Variants in ART1 observed in about 807,000 individuals in gnomAD.
ART1 encodes the protein ADP-ribosyltransferase 1.
Under a neutral mutation model 27.0 loss-of-function variants are expected in ART1, and 29 were observed. The ratio of observed to expected loss-of-function variants is 1.08; its 90% CI spans 0.80 to 1.47. The LOEUF (loss-of-function observed/expected upper bound fraction) is 1.47. ART1 is among the 40% of genes most tolerant of loss of function. ART1 has a pLI of 0.00. For missense variants in ART1, 480 were observed against 423.0 expected (o/e 1.13, Z -1.18); for synonymous variants, 201 against 172.2 (o/e 1.17, Z -1.31).
At chr11:3,647,673 A>G (rs1365656347) in intron 1 of ART1, among the ~76,000 whole-genome samples, 2 of 152,032 alleles carry the variant, frequency 1.3e-5, no homozygotes, top group Non-Finnish European at 2.9e-5. Context: ...TAAAAATAAA[A>G]TGAAAACAAA....
intron 1 of ART1, among the ~76,000 whole-genome samples, chr11:3,653,693 T>C (rs973058729): frequency 6.6e-6 from 1 of 152,150 alleles, no homozygotes; most frequent in East Asian, 1.9e-4. Context: ...GTGTTTCTAG[T>C]TTAAAGAATG....
At chr11:3,661,489 T>TA in intron 4 of ART1, 76 bp downstream of exon 4, 59 of 769,770 alleles carry the variant, frequency 7.7e-5, no homozygotes, top group Non-Finnish European at 9.6e-5. Context: ...ATCACCTCGA[T>TA]CTTTTTTTTT....
chr11:3,652,776 C>A (rs956496705), intron 1 of ART1, among the ~76,000 whole-genome samples: 2 of 151,202 alleles, frequency 1.3e-5, no homozygotes, highest in Non-Finnish European at 2.9e-5. Flanking sequence ...TCCAAGCCAT[C>A]ACAGCTGATA....
intron 1 of ART1, among the ~76,000 whole-genome samples, chr11:3,650,449 C>G (rs1435002746): frequency 6.6e-6 from 1 of 152,222 alleles, no homozygotes; most frequent in Non-Finnish European, 1.5e-5. Context: ...CCTAGACCAT[C>G]AGGGACTCCG....
intron 1 of ART1, among the ~76,000 whole-genome samples, chr11:3,649,083 T>G (rs1006719852): frequency 6.6e-6 from 1 of 152,060 alleles, no homozygotes; most frequent in Non-Finnish European, 1.5e-5. Flanking sequence ...TTCCCGCTTT[T>G]CTGGAGGGTA....
intron 1 of ART1, among the ~76,000 whole-genome samples, chr11:3,652,946 A>C (rs1361267066): frequency 1.3e-5 from 2 of 148,448 alleles, no homozygotes; most frequent in African/African-American, 2.6e-5. Context: ...TCCTTCTCTT[A>C]TTCCATTTAG....
intron 1 of ART1, chr11:3,655,762 C>T (rs1404128673): frequency 6.6e-6 from 1 of 152,032 alleles, no homozygotes; most frequent in East Asian, 1.9e-4. Context: ...TGGTCAAAGC[C>T]TTAGGGCACC....
At chr11:3,653,500 A>G (rs993334568) in intron 1 of ART1, among the ~76,000 whole-genome samples, 2 of 150,576 alleles carry the variant, frequency 1.3e-5, no homozygotes, top group African/African-American at 5.0e-5. Context: ...ATCTACCCAA[A>G]TCCTATAAAA....
chr11:3,647,513 A>G (rs546764298), intron 1 of ART1, among the ~76,000 whole-genome samples: 4 of 150,866 alleles, frequency 2.7e-5, no homozygotes, highest in Middle Eastern at 3.4e-3. Flanking sequence ...GGGCACCTGT[A>G]GTACCAGCTA....
chr11:3,659,883 A>T lies in ART1; in HGVS notation c.364A>T (p.Thr122Ser), dbSNP rs761390636. 1 of 1,612,778 alleles carries T rather than the reference A, an allele frequency of 6.2e-7. No homozygotes were observed. Among genetic ancestry groups the T allele is most frequent in the Non-Finnish European group, 8.5e-7 (1 of 1,179,590 alleles). Residue 122 changes from threonine (T) to serine (S), a missense_variant, in exon 3 of 5, where the codon ACA (threonine) becomes TCA (serine). Physicochemically the swap from Thr to Ser is moderately conservative, Grantham distance 58. Coordinates refer to ENST00000250693, the MANE Select transcript of ART1 (RefSeq NM_004314.3). ...DEHGVALLAYTANSPLHKEFN... is the reference protein window; with the variant it reads ...DEHGVALLAYSANSPLHKEFN... ...GCATGGGGTGGCCCTCCTGGCCTAC[A>T]CAGCCAACAGCCCCCTGCACAAGGA...
chr11:3,651,582 AGCGGCTGCC>A (rs1465636790), intron 1 of ART1, among the ~76,000 whole-genome samples: 1 of 151,052 alleles, frequency 6.6e-6, no homozygotes, highest in East Asian at 1.9e-4. Flanking sequence ...GTCTGCGTGC[AGCGGCTGCC>A]GCTGCTTTAA....
chr11:3,649,730 C>T (rs1214593205), intron 1 of ART1, among the ~76,000 whole-genome samples: 1 of 152,194 alleles, frequency 6.6e-6, no homozygotes, highest in Non-Finnish European at 1.5e-5. Flanking sequence ...CAGCAATTTC[C>T]TCTTAAAAAG....
At chr11:3,645,799 G>A (rs775463284) in intron 1 of ART1, among the ~76,000 whole-genome samples, 1 of 152,224 alleles carries the variant, frequency 6.6e-6, no homozygotes, top group Non-Finnish European at 1.5e-5. Flanking sequence ...AGAGCCCAGA[G>A]GAGTCAGAGG....
chr11:3,663,142 A>C (rs1589927157), intron 4 of ART1, among the ~76,000 whole-genome samples: 2 of 140,460 alleles, frequency 1.4e-5, no homozygotes, highest in African/African-American at 2.7e-5. Context: ...ATCTCATCTC[A>C]TCATCATCTC....
At chr11:3,649,535 CT>C (rs751688389) in intron 1 of ART1, among the ~76,000 whole-genome samples, 38 of 152,316 alleles carry the variant, frequency 2.5e-4, no homozygotes, top group Admixed American at 6.5e-4. Flanking sequence ...TCTTTCTAAT[CT>C]TCCTTTTCTA....
intron 1 of ART1, among the ~76,000 whole-genome samples, chr11:3,655,209 C>T (rs963149292): frequency 6.6e-5 from 10 of 152,150 alleles, no homozygotes; most frequent in Non-Finnish European, 1.2e-4. Context: ...AAGAATCTTC[C>T]AAAGAAAAGA....
At chr11:3,658,197 G>C (rs1163850562) in intron 1 of ART1, among the ~76,000 whole-genome samples, 1 of 151,898 alleles carries the variant, frequency 6.6e-6, no homozygotes, top group East Asian at 1.9e-4. Flanking sequence ...GCTGGGTGTG[G>C]AGGCGGGCAC....
chr11:3,649,882 G>T (rs978901901), intron 1 of ART1, among the ~76,000 whole-genome samples: 3 of 152,014 alleles, frequency 2.0e-5, no homozygotes, highest in African/African-American at 7.3e-5. Flanking sequence ...ACCCTGAGAC[G>T]CTTTACAGCC....
At chr11:3,660,500 C>T in intron 3 of ART1, 137 bp downstream of exon 3, 2 of 1,022,144 alleles carry the variant, frequency 2.0e-6, no homozygotes, top group Non-Finnish European at 2.8e-6. Context: ...CAGCTCCCAA[C>T]CCCTTCCATC....
Sources: allele counts gnomAD v4.1 joint callset (sites outside exome capture counted in the v4.1 genomes callset), GRCh38; gene constraint gnomAD v4.1.1; transcripts MANE v1.5; gene names NCBI Gene and HGNC (gene_info 2026-07-23, HGNC 2026-07-21).